Variants in KIAA1217 observed in about 807,000 individuals in gnomAD.
KIAA1217 encodes sickle tail protein homolog.
KIAA1217 carries 88 observed loss-of-function variants against 163.9 expected under a neutral mutation model. The observed-to-expected ratio is 0.54, with a 90% CI of 0.45 to 0.64. The LOEUF is 0.64. KIAA1217 is among the 30% of genes least tolerant of loss of function. The probability of loss-of-function intolerance (pLI) is 0.00; values close to 1 mark genes in which losing one functional copy is unlikely to be tolerated. For synonymous variants in KIAA1217, 903 were observed against 923.1 expected (o/e 0.98, Z 0.39); for missense variants, 2,372 against 2,475.0 (o/e 0.96, Z 0.88).
intron 2 of KIAA1217, among the ~76,000 whole-genome samples, chr10:24,142,305 CATG>C (rs1239345416): frequency 1.3e-5 from 2 of 152,162 alleles, no homozygotes; most frequent in African/African-American, 2.4e-5. Context: ...GAGGGGGCTA[CATG>C]ATGTGTTCCT....
chr10:24,158,289 G>T lies in KIAA1217; in HGVS notation c.-170-61337G>T, dbSNP rs564103303. On this transcript the variant is annotated intron_variant, in intron 2 of 18. Transcript: ENST00000376462. ...GAAAGATGACATTTTCTCCTTCCCG[G>T]TTGGATCCTTTTTATACTCAAGGAG... 4.2e-6 allele frequency: 3 copies of T among 706,690 alleles called. No homozygotes were observed. The African/African-American group carries it at 5.2e-5, about 12-fold the overall frequency. The allele number at this position is 706,690 out of a possible 1,614,324, so 43.8% of individuals were successfully genotyped here.
intron 1 of KIAA1217, among the ~76,000 whole-genome samples, chr10:23,867,554 G>T (rs1368496083): frequency 6.6e-6 from 1 of 152,208 alleles, no homozygotes; most frequent in East Asian, 1.9e-4. Context: ...TAACTGGTGT[G>T]AGATGGTATC....
chr10:23,895,086 G>T (rs1232712483), intron 1 of KIAA1217, among the ~76,000 whole-genome samples: 3 of 152,028 alleles, frequency 2.0e-5, no homozygotes, highest in Admixed American at 6.6e-5. Context: ...CATGGGCAAG[G>T]ACTTCATGTC....
intron 2 of KIAA1217, among the ~76,000 whole-genome samples, chr10:24,132,410 C>G (rs1410061394): frequency 6.6e-6 from 1 of 152,150 alleles, no homozygotes; most frequent in Non-Finnish European, 1.5e-5. Flanking sequence ...AATACAAGAC[C>G]AAGTGTGTCC....
At chr10:24,280,091 C>T (rs1456237309) in intron 2 of KIAA1217, among the ~76,000 whole-genome samples, 1 of 152,142 alleles carries the variant, frequency 6.6e-6, no homozygotes, top group Non-Finnish European at 1.5e-5. Context: ...TGATGTTCTT[C>T]CTTTATCCTT....
chr10:24,398,581 T>C (rs2056133924), intron 3 of KIAA1217, among the ~76,000 whole-genome samples: 1 of 152,054 alleles, frequency 6.6e-6, no homozygotes, highest in South Asian at 2.1e-4. Flanking sequence ...GAAAGTACAC[T>C]TGGAAGAGAC....
chr10:24,480,517 G>A (rs1422594787), intron 6 of KIAA1217, among the ~76,000 whole-genome samples: 2 of 152,162 alleles, frequency 1.3e-5, no homozygotes, highest in Admixed American at 6.5e-5. Context: ...ACAAAGTACC[G>A]AATCTTGCTC....
chr10:24,466,795 G>C (rs546562655), intron 5 of KIAA1217: 1 of 985,344 alleles, frequency 1.0e-6, no homozygotes, highest in South Asian at 4.7e-5. Flanking sequence ...GAAAAAGTAA[G>C]TGGCTTTAAT....
chr10:23,779,893 T>TTAC, intron 1 of KIAA1217, among the ~76,000 whole-genome samples: 1 of 152,202 alleles, frequency 6.6e-6, no homozygotes, highest in Non-Finnish European at 1.5e-5. Flanking sequence ...CACCATTGTG[T>TTAC]TACAATTGCC....
chr10:24,205,302 C>CAAAAAAAAAAAAAAA (rs61292023), upstream of KIAA1217, among the ~76,000 whole-genome samples: 1 of 36,610 alleles, frequency 2.7e-5, no homozygotes, highest in Non-Finnish European at 5.4e-5. Context: ...ACTAAAAATA[C>CAAAAAAAAAAAAAAA]AAAAAAAAAA....
At chr10:24,544,954 T>C in intron 19 of KIAA1217, 27 bp from the exon 20 acceptor site, 1 of 1,608,384 alleles carries the variant, frequency 6.2e-7, no homozygotes, top group Non-Finnish European at 8.5e-7. Flanking sequence ...CTCCTTCTCT[T>C]CCCCCTCTCA....
At chr10:24,010,335 T>C (rs934653800) in intron 2 of KIAA1217, among the ~76,000 whole-genome samples, 1 of 152,156 alleles carries the variant, frequency 6.6e-6, no homozygotes, top group African/African-American at 2.4e-5. Context: ...ATTAAGATGA[T>C]TGGAAAACTA....
chr10:24,365,673 C>T (rs1379461877), intron 2 of KIAA1217, among the ~76,000 whole-genome samples: 1 of 152,070 alleles, frequency 6.6e-6, no homozygotes, highest in Admixed American at 6.6e-5. Flanking sequence ...CTCCCTTTTT[C>T]TCTTCAAGGT....
At chr10:23,867,928 C>T (rs190608740) in intron 1 of KIAA1217, among the ~76,000 whole-genome samples, 39 of 152,174 alleles carry the variant, frequency 2.6e-4, no homozygotes, top group Admixed American at 5.2e-4. Context: ...TCCTTGCCCA[C>T]GCCTATGTCC....
At chr10:23,923,922 G>A (rs1446192379) in intron 1 of KIAA1217, among the ~76,000 whole-genome samples, 1 of 152,250 alleles carries the variant, frequency 6.6e-6, no homozygotes, top group Non-Finnish European at 1.5e-5. Flanking sequence ...TAAAATGTAG[G>A]ATTAGGAAGT....
chr10:23,768,726 GTCTCTTT>G (rs1834659359), intron 1 of KIAA1217, among the ~76,000 whole-genome samples: 4 of 152,188 alleles, frequency 2.6e-5, no homozygotes, highest in Non-Finnish European at 5.9e-5. Context: ...ACCTGGATTT[GTCTCTTT>G]ACCATTTAGC....
intron 1 of KIAA1217, among the ~76,000 whole-genome samples, chr10:23,731,456 G>C (rs1342375076): frequency 2.0e-5 from 3 of 152,150 alleles, no homozygotes; most frequent in Non-Finnish European, 4.4e-5. Context: ...GACTGACCAG[G>C]AGCGCTTCAT....
At chr10:23,911,172 C>G (rs924253585) in intron 1 of KIAA1217, among the ~76,000 whole-genome samples, 1 of 152,170 alleles carries the variant, frequency 6.6e-6, no homozygotes. Flanking sequence ...TGGCCCCAGA[C>G]CATGTCTCTG....
chr10:23,742,719 A>G (rs1478730356), intron 1 of KIAA1217, among the ~76,000 whole-genome samples: 1 of 152,196 alleles, frequency 6.6e-6, no homozygotes, highest in East Asian at 1.9e-4. Context: ...ACCAAGCCCC[A>G]CCTCCAACAT....
Sources: gnomAD v4.1 joint callset for allele counts (sites outside exome capture counted in the v4.1 genomes callset) on GRCh38, gnomAD v4.1.1 for gene constraint, MANE v1.5 for transcripts, NCBI Gene and HGNC (gene_info 2026-07-23, HGNC 2026-07-21) for gene names.